ARB2A: variants seen among roughly 807,000 people sequenced by gnomAD.
ARB2A encodes the protein cotranscriptional regulator ARB2A.
the ARB2A span, among the ~76,000 whole-genome samples, chr5:93,718,400 C>T: frequency 6.6e-6 from 1 of 151,968 alleles, no homozygotes; most frequent in Non-Finnish European, 1.5e-5. Flanking sequence ...GATTGTGCCA[C>T]TGCTCCAGCC....
chr5:93,620,347 GTTTT>G, the ARB2A span: 2 of 150,018 alleles, frequency 1.3e-5, no homozygotes, highest in African/African-American at 2.5e-5. Flanking sequence ...ATGCAGAGTT[GTTTT>G]TTTTTCTGGT....
the ARB2A span, among the ~76,000 whole-genome samples, chr5:93,936,651 A>G: frequency 1.2e-4 from 19 of 152,198 alleles, no homozygotes; most frequent in Admixed American, 1.2e-3. Flanking sequence ...TATGATTACT[A>G]TATATTGCAT....
At chr5:93,782,986 G>A in the ARB2A span, among the ~76,000 whole-genome samples, 1 of 152,120 alleles carries the variant, frequency 6.6e-6, no homozygotes, top group East Asian at 1.9e-4. Context: ...TTCAACTGCT[G>A]TCTAGTCAAT....
At chr5:93,748,416 G>A in the ARB2A span, among the ~76,000 whole-genome samples, 2 of 152,004 alleles carry the variant, frequency 1.3e-5, no homozygotes, top group Non-Finnish European at 2.9e-5. Context: ...GAGGCTCTGA[G>A]GGTAACCCTA....
chr5:93,751,737 G>T, the ARB2A span, among the ~76,000 whole-genome samples: 2 of 152,160 alleles, frequency 1.3e-5, no homozygotes, highest in African/African-American at 4.8e-5. Context: ...AAGCAATGCA[G>T]TTTTCTTTGA....
chr5:93,869,818 C>T, the ARB2A span, among the ~76,000 whole-genome samples: 1 of 152,170 alleles, frequency 6.6e-6, no homozygotes, highest in African/African-American at 2.4e-5. Flanking sequence ...ACCCCCTGCC[C>T]GCAAAACATT....
chr5:93,875,710 A>G, the ARB2A span, among the ~76,000 whole-genome samples: 27 of 152,280 alleles, frequency 1.8e-4, no homozygotes, highest in African/African-American at 4.8e-4. Flanking sequence ...TATAGAAAAC[A>G]TTTACAATAA....
At chr5:93,907,586 A>G in the ARB2A span, among the ~76,000 whole-genome samples, 1 of 151,524 alleles carries the variant, frequency 6.6e-6, no homozygotes. Flanking sequence ...AATCATAAAA[A>G]TGAATCATTT....
At chr5:93,690,159 T>C in the ARB2A span, among the ~76,000 whole-genome samples, 1 of 151,690 alleles carries the variant, frequency 6.6e-6, no homozygotes, top group Non-Finnish European at 1.5e-5. Flanking sequence ...GCTGCAGGAG[T>C]TTCTTTTCAT....
At chr5:93,729,976 C>T in the ARB2A span, among the ~76,000 whole-genome samples, 6 of 152,078 alleles carry the variant, frequency 3.9e-5, no homozygotes, top group Non-Finnish European at 1.5e-5. Context: ...ATTTAAATCT[C>T]GCAAATTCAA....
At chr5:93,994,867 T>C in the ARB2A span, among the ~76,000 whole-genome samples, 2 of 151,596 alleles carry the variant, frequency 1.3e-5, no homozygotes. Context: ...GATTGCACCA[T>C]GGCACTCCAG....
At chr5:94,078,137 G>T in the ARB2A span, among the ~76,000 whole-genome samples, 2 of 152,148 alleles carry the variant, frequency 1.3e-5, no homozygotes, top group African/African-American at 4.8e-5. Flanking sequence ...TATTAAATAC[G>T]AACTAGATAT....
the ARB2A span, among the ~76,000 whole-genome samples, chr5:93,941,930 A>G: frequency 2.0e-5 from 3 of 152,318 alleles, no homozygotes; most frequent in East Asian, 5.8e-4. Flanking sequence ...CATATCCTTT[A>G]TTAGTTAATT....
the ARB2A span, among the ~76,000 whole-genome samples, chr5:93,929,810 C>T: frequency 6.6e-6 from 1 of 152,140 alleles, no homozygotes; most frequent in Non-Finnish European, 1.5e-5. Context: ...TGGTAGTCAG[C>T]AGTTATGTCA....
At chr5:93,875,452 G>T in the ARB2A span, among the ~76,000 whole-genome samples, 1 of 151,994 alleles carries the variant, frequency 6.6e-6, no homozygotes, top group East Asian at 1.9e-4. Flanking sequence ...GGCTGGTCTC[G>T]AACTCCTGAC....
the ARB2A span, among the ~76,000 whole-genome samples, chr5:93,717,345 TC>T: frequency 6.6e-6 from 1 of 152,090 alleles, no homozygotes; most frequent in Admixed American, 6.5e-5. Flanking sequence ...CGGTGCCACT[TC>T]TGCCTTCTCA....
chr5:93,926,479 G>A, the ARB2A span, among the ~76,000 whole-genome samples: 3 of 151,824 alleles, frequency 2.0e-5, no homozygotes, highest in Non-Finnish European at 4.4e-5. Flanking sequence ...TTATACACTG[G>A]CAAATGTGGC....
the ARB2A span, among the ~76,000 whole-genome samples, chr5:93,754,204 C>T: frequency 1.3e-5 from 2 of 152,310 alleles, no homozygotes; most frequent in East Asian, 1.9e-4. Flanking sequence ...GTCTTCCCTT[C>T]CTGCTTTATA....
the ARB2A span, among the ~76,000 whole-genome samples, chr5:93,860,479 C>T: frequency 1.3e-5 from 2 of 150,996 alleles, no homozygotes; most frequent in Non-Finnish European, 1.5e-5. Context: ...AAAGTAAAGG[C>T]AAGCAAAACC....
Sources: allele counts gnomAD v4.1 joint callset (sites outside exome capture counted in the v4.1 genomes callset), GRCh38; gene constraint gnomAD v4.1.1; transcripts MANE v1.5; gene names NCBI Gene and HGNC (gene_info 2026-07-23, HGNC 2026-07-21).